NLRP13: variants seen among roughly 807,000 people sequenced by gnomAD.
The protein encoded by NLRP13 is NLR family pyrin domain containing 13.
In NLRP13, 82 loss-of-function variants were observed where a neutral mutation model predicts 94.4. The ratio of observed to expected loss-of-function variants is 0.87; its 90% CI spans 0.73 to 1.04. The LOEUF (loss-of-function observed/expected upper bound fraction) is 1.04, where lower values mean the gene tolerates loss of function less well. Among genes scored for constraint, NLRP13 ranks in the 50% least tolerant of loss-of-function variants. NLRP13 has a pLI of 0.00. For synonymous variants in NLRP13, 553 were observed against 464.7 expected, an observed-to-expected ratio of 1.19 and a Z score of -2.45; for missense variants, 1,426 against 1,230.8, an observed-to-expected ratio of 1.16 and a Z score of -2.37.
chr19:55,892,572 C>G (rs749117925), downstream of NLRP13, among the ~76,000 whole-genome samples: 2 of 152,128 alleles, frequency 1.3e-5, no homozygotes, highest in Non-Finnish European at 2.9e-5. Context: ...TAGGCGCACA[C>G]CACCACGCCG....
intron 1 of NLRP13, 23 bp downstream of exon 1, chr19:55,931,970 C>T (rs748034856): frequency 4.3e-6 from 7 of 1,609,312 alleles, no homozygotes; most frequent in East Asian, 2.2e-5. Context: ...AGCCCTCCCG[C>T]CTTCCTTCTT....
intron 1 of NLRP13, among the ~76,000 whole-genome samples, chr19:55,925,504 G>A (rs980299503): frequency 3.9e-5 from 6 of 152,094 alleles, no homozygotes; most frequent in African/African-American, 7.2e-5. Flanking sequence ...GTCTGTTTAC[G>A]GATTCATCCC....
rs35906975 is a variant in NLRP13 at position 55,927,369 on chromosome 19, GAAAA to G, written c.320-2338_320-2335del. 4.0e-3 allele frequency among the ~76,000 whole-genome samples: 501 copies of G among 123,962 alleles called. 17 individuals carry two copies. The South Asian group carries it at 0.09, about 22-fold the overall frequency. The allele number at this position is 123,962 out of a possible 152,430, so 81.3% of individuals were successfully genotyped here. A position where few individuals can be genotyped will look rare whatever the true frequency, so the allele number is the denominator to read the frequency against. On this transcript the variant is annotated intron_variant, in intron 1 of 10. Coordinates refer to ENST00000342929, the MANE Select transcript of NLRP13 (RefSeq NM_176810.2). ...GGTGGCAGAGCGAGGCTCCATCTAG[GAAAA>G]AAAAAAAAAAAAAGAGTGAAAACTA... is the stretch of plus-strand genomic sequence containing the variant.
chr19:55,896,546 C>T (rs1035673043), intron 10 of NLRP13, among the ~76,000 whole-genome samples: 9 of 145,710 alleles, frequency 6.2e-5, no homozygotes, highest in African/African-American at 2.3e-4. Flanking sequence ...GGGCTGGGCG[C>T]GGTGGCTCAC....
intron 1 of NLRP13, among the ~76,000 whole-genome samples, chr19:55,926,895 T>A (rs1003170690): frequency 1.2e-4 from 19 of 152,182 alleles, no homozygotes; most frequent in African/African-American, 4.6e-4. Flanking sequence ...AGCCAAATGA[T>A]TTTTGACAAA....
downstream of NLRP13, among the ~76,000 whole-genome samples, chr19:55,894,497 C>G (rs957596728): frequency 6.6e-6 from 1 of 152,128 alleles, no homozygotes; most frequent in African/African-American, 2.4e-5. Flanking sequence ...TACATTCCAC[C>G]CTTCATCTCT....
At chr19:55,905,194 C>T (rs1422157601) in intron 7 of NLRP13, 82 bp from the exon 8 acceptor site, 43 of 1,420,718 alleles carry the variant, frequency 3.0e-5, no homozygotes, top group Non-Finnish European at 3.7e-5. Context: ...CCTTAACCCC[C>T]GAGACCCAAA....
intron 4 of NLRP13, 126 bp from the exon 5 acceptor site, chr19:55,913,419 A>C: frequency 9.1e-7 from 1 of 1,101,420 alleles, no homozygotes; most frequent in Non-Finnish European, 1.3e-6. Flanking sequence ...ATTTTGTGGG[A>C]ATGCAGTGGT....
chr19:55,916,794 T>A (rs1986686843), intron 4 of NLRP13, among the ~76,000 whole-genome samples: 1 of 152,176 alleles, frequency 6.6e-6, no homozygotes, highest in Non-Finnish European at 1.5e-5. Flanking sequence ...AAAAACCTGT[T>A]GTGGAAATAA....
intron 9 of NLRP13, 134 bp from the exon 10 acceptor site, chr19:55,899,071 G>T (rs1408866157): frequency 1.1e-6 from 1 of 937,622 alleles, no homozygotes; most frequent in East Asian, 2.7e-5. Context: ...CCTCGAAGGA[G>T]GAGGGTGCGA....
At chr19:55,900,605 A>T in intron 9 of NLRP13, among the ~76,000 whole-genome samples, 1 of 95,998 alleles carries the variant, frequency 1.0e-5, no homozygotes, top group East Asian at 3.0e-4. Flanking sequence ...CCCCATCTGT[A>T]CTAAAAAAAA....
chr19:55,930,874 T>TTTTATATATATATATATATATATATA (rs55900335), intron 1 of NLRP13, among the ~76,000 whole-genome samples: 23 of 70,178 alleles, frequency 3.3e-4, no homozygotes, highest in African/African-American at 1.4e-3. Flanking sequence ...GAATCAGTGA[T>TTTTATATATATATATATATATATATA]TATATATATA....
At chr19:55,919,402 G>C (rs188863756) in intron 4 of NLRP13, among the ~76,000 whole-genome samples, 1 of 152,020 alleles carries the variant, frequency 6.6e-6, no homozygotes, top group Admixed American at 6.6e-5. Flanking sequence ...AAATAAAAAG[G>C]TATCTAAATT....
chr19:55,900,292 G>A (rs978146220), intron 9 of NLRP13, among the ~76,000 whole-genome samples: 2 of 152,130 alleles, frequency 1.3e-5, no homozygotes, highest in Non-Finnish European at 2.9e-5. Context: ...TAATCTGGAA[G>A]TTTTTATCAA....
intron 4 of NLRP13, among the ~76,000 whole-genome samples, chr19:55,915,018 G>A (rs1198456291): frequency 6.6e-6 from 1 of 152,164 alleles, no homozygotes; most frequent in African/African-American, 2.4e-5. Context: ...AGAGAATAAA[G>A]TGGTGATTAC....
At chr19:55,917,855 T>C (rs1986710950) in intron 4 of NLRP13, among the ~76,000 whole-genome samples, 1 of 152,014 alleles carries the variant, frequency 6.6e-6, no homozygotes, top group Non-Finnish European at 1.5e-5. Flanking sequence ...AGACAGATCA[T>C]CAAGACAGAA....
rs1986202048 is a variant in NLRP13, at chr19:55,902,180, G to C, written c.2644C>G (p.Pro882Ala). ...GCATCTGACAAGTGCTTGCAAGCGG[G>C]TGCTGCCAGCTGGCAAAACCAGAGC... is the stretch of plus-strand genomic sequence containing the variant. The part of the protein sequence containing the change: ...LELWFCQLAA[P>A]ACKHLSDALL... Residue 882 changes from proline to alanine, a missense_variant, in exon 9 of 11, where the codon CCC becomes GCC. Physicochemically the swap from Pro to Ala is conservative, Grantham distance 27. Coordinates refer to ENST00000342929, the MANE Select transcript of NLRP13 (RefSeq NM_176810.2). 6.2e-7 allele frequency: 1 copy of C among 1,613,882 alleles called. No homozygotes were observed. The highest frequency in any genetic ancestry group is 8.5e-7 in the Non-Finnish European group (1 of 1,179,928).
chr19:55,900,745 C>T (rs1321362385), intron 9 of NLRP13, among the ~76,000 whole-genome samples: 1 of 143,054 alleles, frequency 7.0e-6, no homozygotes, highest in East Asian at 2.1e-4. Flanking sequence ...CACTGCACTC[C>T]AGCCTGAGTG....
chr19:55,904,797 G>A, intron 8 of NLRP13, 145 bp downstream of exon 8: 3 of 682,630 alleles, frequency 4.4e-6, no homozygotes, highest in Non-Finnish European at 6.8e-6. Flanking sequence ...CTCTGAATCT[G>A]TTTTAGAGCA....
Sources: gnomAD v4.1 joint callset for allele counts (sites outside exome capture counted in the v4.1 genomes callset) on GRCh38, gnomAD v4.1.1 for gene constraint, MANE v1.5 for transcripts, NCBI Gene and HGNC (gene_info 2026-07-23, HGNC 2026-07-21) for gene names.